The following DUSP8 variants were observed in gnomAD, a reference collection of about 807,000 sequenced individuals.
The protein encoded by DUSP8 is dual specificity phosphatase 8.
A neutral mutation model predicts 38.7 loss-of-function variants in DUSP8; 15 were observed. The observed-to-expected ratio is 0.39, with a 90% CI of 0.26 to 0.60. DUSP8 has a LOEUF of 0.60. Among genes scored for constraint, DUSP8 ranks in the 20% least tolerant of loss-of-function variants. DUSP8 has a pLI of 0.56. For missense variants in DUSP8, 768 were observed against 915.0 expected (o/e 0.84, Z 2.07); for synonymous variants, 458 against 433.9 (o/e 1.06, Z -0.69).
At position 1,558,143 on chromosome 11, in the gene DUSP8, C is replaced by T. The variant is rs1181797208; in HGVS notation, c.666G>A (p.Leu222=). 6.2e-7 allele frequency: 1 copy of T among 1,611,954 alleles called. No individual in the cohort carries two copies. The highest frequency in any genetic ancestry group is 8.5e-7 in the Non-Finnish European group (1 of 1,179,852). ...PINDNYCEKL[L]PWLDKSIEFI... is the part of the protein sequence containing the mutation. Reference sequence around the variant, plus strand: ...ACTCGATGGACTTGTCCAGCCAGGGCAGCAGTTTTTCACAGTAGTTGTCGT... The same window carrying T: ...ACTCGATGGACTTGTCCAGCCAGGGTAGCAGTTTTTCACAGTAGTTGTCGT... Residue 222 remains leucine (L), a synonymous_variant, in exon 5 of 7, where the codon CTG becomes CTA. Coordinates refer to ENST00000397374, the MANE Select transcript of DUSP8 (RefSeq NM_004420.3). The surrounding 1 kb of genome is among the most constrained non-coding windows in gnomAD (Gnocchi z 6.3).
At chr11:1,561,448 C>T (rs1328323386) in intron 3 of DUSP8, among the ~76,000 whole-genome samples, 1 of 152,260 alleles carries the variant, frequency 6.6e-6, no homozygotes, top group African/African-American at 2.4e-5. Flanking sequence ...CGCCACCCCA[C>T]CCACTTGCAG....
intron 2 of DUSP8, 56 bp from the exon 3 acceptor site, chr11:1,564,045 C>T: frequency 7.2e-7 from 1 of 1,392,990 alleles, no homozygotes; most frequent in Non-Finnish European, 9.4e-7. Context: ...ATGCCCTGGC[C>T]CCGTCCCAGA....
At chr11:1,564,431 T>G (rs1384422991) in intron 2 of DUSP8, among the ~76,000 whole-genome samples, 2 of 152,176 alleles carry the variant, frequency 1.3e-5, no homozygotes, top group Non-Finnish European at 2.9e-5. Context: ...TGGGGCTAAC[T>G]GTGTAGCCAG....
Position 1,557,415 on chromosome 11 carries a change from G to A in DUSP8, c.981C>T (p.Ala327=). 3 of 1,564,568 alleles carry A rather than the reference G, an allele frequency of 1.9e-6. No homozygotes were observed. The highest frequency in any genetic ancestry group is 2.6e-6 in the Non-Finnish European group (3 of 1,167,658). The change falls in exon 7 of 7, where the codon GCC becomes GCT. Residue 327 remains alanine (A), a synonymous_variant. Coordinates refer to ENST00000397374, the MANE Select transcript of DUSP8 (RefSeq NM_004420.3). This position sits in a 1 kb window ranked among gnomAD's most constrained non-coding sequence, Gnocchi z 9.9. Reference sequence around the variant, plus strand: ...TAGGTGGTGGCAGCCGTGGCAGCGGGGCCCCGGCGGCAGGACTGGGCGGAG... The same window carrying A: ...TAGGTGGTGGCAGCCGTGGCAGCGGAGCCCCGGCGGCAGGACTGGGCGGAG... ...PEPPPSPAAG[A]PLPRLPPPTS...
In DUSP8 at chr11:1,558,047, G is replaced by C; in HGVS notation, c.697+65C>G. Reference sequence around the variant, plus strand: ...CTTCCTGGGGACCCCTCCTGTGTCTGTGGCCACACACAGCTCTAGCCTTCC... The same window carrying C: ...CTTCCTGGGGACCCCTCCTGTGTCTCTGGCCACACACAGCTCTAGCCTTCC... On this transcript the variant is annotated intron_variant, in intron 5 of 6. Coordinates refer to ENST00000397374, the MANE Select transcript of DUSP8 (RefSeq NM_004420.3). This position sits in a 1 kb window ranked among gnomAD's most constrained non-coding sequence, Gnocchi z 6.3. 3 of 1,611,196 alleles carry C rather than the reference G, an allele frequency of 1.9e-6. No homozygotes were observed. Among genetic ancestry groups the C allele is most frequent in the Non-Finnish European group, 2.5e-6 (3 of 1,179,082 alleles).
rs55830934 is a variant in DUSP8, at chr11:1,565,265, C to A, written c.231+331G>T. 3.6e-3 allele frequency among the ~76,000 whole-genome samples: 542 copies of A among 152,350 alleles called. 3 individuals carry two copies. The highest frequency in any genetic ancestry group is 0.014 in the Middle Eastern group (4 of 294). On this transcript the variant is annotated intron_variant, in intron 2 of 6. Coordinates refer to ENST00000397374, the MANE Select transcript of DUSP8 (RefSeq NM_004420.3). ...ACACCTTGCTATTCCACTCACTGCT[C>A]CCCTCTGTGAGCCTGGGTTGGCCCT...
chr11:1,557,949 G>A lies in DUSP8; in HGVS notation c.698-32C>T, dbSNP rs201635880. On this transcript the variant is annotated intron_variant, in intron 5 of 6. Coordinates refer to ENST00000397374, the MANE Select transcript of DUSP8 (RefSeq NM_004420.3). This position sits in a 1 kb window ranked among gnomAD's most constrained non-coding sequence, Gnocchi z 9.9. ...AGGTGGGCCATGGGGGCCAGGTGAGGGCTAAGACTGCACAGCTTCTCCCTG... is the reference window on the plus strand; with the variant it reads ...AGGTGGGCCATGGGGGCCAGGTGAGAGCTAAGACTGCACAGCTTCTCCCTG... 3 of 1,613,504 alleles carry A rather than the reference G, an allele frequency of 1.9e-6. No homozygotes were observed. The highest frequency in any genetic ancestry group is 4.5e-5 in the East Asian group (2 of 44,870).
chr11:1,558,768 C>T lies in DUSP8; in HGVS notation c.537+121G>A. Reference sequence around the variant, plus strand: ...GGCCCCCACCCATGCTTCTCCCACACCCAGCTCATCCACTGCCTTCAGCTC... The same window carrying T: ...GGCCCCCACCCATGCTTCTCCCACATCCAGCTCATCCACTGCCTTCAGCTC... On this transcript the variant is annotated intron_variant, in intron 4 of 6. Coordinates refer to ENST00000397374, the MANE Select transcript of DUSP8 (RefSeq NM_004420.3). The surrounding 1 kb of genome is among the most constrained non-coding windows in gnomAD (Gnocchi z 6.3). The T allele has an allele frequency of 3.2e-6, 4 of 1,247,936 alleles. No homozygotes were observed. Among genetic ancestry groups the T allele is most frequent in the South Asian group, 1.5e-5 (1 of 65,518 alleles). 77.3% of individuals were successfully genotyped at this position (1,247,936 alleles called of 1,614,324 possible). A position where few individuals can be genotyped will look rare whatever the true frequency, so the allele number is the denominator to read the frequency against.
chr11:1,562,289 G>T (rs1289374891), intron 3 of DUSP8, among the ~76,000 whole-genome samples: 1 of 152,152 alleles, frequency 6.6e-6, no homozygotes, highest in Non-Finnish European at 1.5e-5. Flanking sequence ...TGCCACTCTG[G>T]GACCTTTCTC....
Position 1,559,181 on chromosome 11 carries a change from A to T in DUSP8, c.371-126T>A. The T allele has an allele frequency of 4.3e-6, 4 of 939,270 alleles. No homozygotes were observed. The South Asian group carries it at 6.3e-5, about 15-fold the overall frequency. 58.2% of individuals were successfully genotyped at this position (939,270 alleles called of 1,614,324 possible). A position where few individuals can be genotyped will look rare whatever the true frequency, so the allele number is the denominator to read the frequency against. ...ATCAGTCACACCCAGCCCAGACCCG[A>T]GCCTGAGCCCAGCCGGCAAGCCTCT... On this transcript the variant is annotated intron_variant, in intron 3 of 6. Transcript: ENST00000397374.
chr11:1,557,609 C>T lies in DUSP8; in HGVS notation c.822-35G>A, dbSNP rs569581529. The T allele has an allele frequency of 4.9e-4, 727 of 1,494,108 alleles. 14 individuals carry two copies. In the South Asian group the frequency reaches 7.9e-3, roughly 16 times the overall value. The allele number at this position is 1,494,108 out of a possible 1,614,324, so 92.6% of individuals were successfully genotyped here. On this transcript the variant is annotated intron_variant, in intron 6 of 6. Coordinates refer to ENST00000397374, the MANE Select transcript of DUSP8 (RefSeq NM_004420.3). This position sits in a 1 kb window ranked among gnomAD's most constrained non-coding sequence, Gnocchi z 9.9. ...AGGAGGCTCAGTCCCAGGCGCCCGC[C>T]GGGGCCAGGCTGCCCACCTGACGCA...
chr11:1,554,214 C>T lies in DUSP8; in HGVS notation c.*2304G>A, dbSNP rs1848584763. The T allele has an allele frequency of 6.6e-6, 1 of 152,432 alleles. No individual in the cohort carries two copies. The highest frequency in any genetic ancestry group is 2.1e-4 in the South Asian group (1 of 4,852). The allele number at this position is 152,432 out of a possible 1,614,324, so 9.4% of individuals were successfully genotyped here. A position where few individuals can be genotyped will look rare whatever the true frequency, so the allele number is the denominator to read the frequency against. ...AGGCTCAGCGGGGGACCTGCACCCTCTCCTCCGCTGGACTTCCCAGCAAAT... is the reference window on the plus strand; with the variant it reads ...AGGCTCAGCGGGGGACCTGCACCCTTTCCTCCGCTGGACTTCCCAGCAAAT... On this transcript the variant is annotated 3_prime_UTR_variant, in exon 7 of 7. Transcript: ENST00000397374.
In DUSP8 at chr11:1,555,286, T is replaced by C. The variant is rs1218265591; in HGVS notation, c.*1232A>G. 1 of 987,838 alleles carries C rather than the reference T, an allele frequency of 1.0e-6. No homozygotes were observed. The allele number at this position is 987,838 out of a possible 1,614,324, so 61.2% of individuals were successfully genotyped here. ...AAGGGGTGAATGGGAGTTTCTCTCC[T>C]GAGCGGCCCCATGGGGGTGGGGGCA... On this transcript the variant is annotated 3_prime_UTR_variant, in exon 7 of 7. Transcript: ENST00000397374.
At chr11:1,572,288 A>G (rs1467420757), upstream of DUSP8, among the ~76,000 whole-genome samples, 1 of 147,254 alleles carries the variant, frequency 6.8e-6, no homozygotes, top group Admixed American at 6.7e-5. This position sits in a 1 kb window ranked among gnomAD's most constrained non-coding sequence, Gnocchi z 4.7. Flanking sequence ...CCCGGGGCGG[A>G]GGGCGGGGCC....
chr11:1,561,578 G>A (rs1433265818), intron 3 of DUSP8, among the ~76,000 whole-genome samples: 1 of 152,352 alleles, frequency 6.6e-6, no homozygotes, highest in East Asian at 1.9e-4. Context: ...TGGAGTGGGG[G>A]AAGAGGAGCG....
chr11:1,564,861 C>T (rs1225722735), intron 2 of DUSP8, among the ~76,000 whole-genome samples: 1 of 152,238 alleles, frequency 6.6e-6, no homozygotes, highest in Non-Finnish European at 1.5e-5. Flanking sequence ...CAGCTCTGAA[C>T]AGGGCCTATC....
chr11:1,566,509 TG>T (rs1243725784), intron 1 of DUSP8, among the ~76,000 whole-genome samples: 6 of 152,056 alleles, frequency 3.9e-5, no homozygotes, highest in Admixed American at 2.6e-4. Context: ...CACTGGAGAG[TG>T]GGCTCCCGGG....
chr11:1,564,942 AAGG>A (rs1016071134), intron 2 of DUSP8, among the ~76,000 whole-genome samples: 6 of 152,114 alleles, frequency 3.9e-5, no homozygotes, highest in Non-Finnish European at 8.8e-5. Context: ...GAGGCAGTAG[AAGG>A]AGGAGGTGCC....
intron 3 of DUSP8, 176 bp from the exon 4 acceptor site, chr11:1,559,231 G>C (rs1384577049): frequency 1.7e-6 from 1 of 572,122 alleles, no homozygotes; most frequent in Non-Finnish European, 2.9e-6. Flanking sequence ...TCTGCCCGCG[G>C]TGGGGGGAGG....
Sources: allele counts gnomAD v4.1 joint callset (sites outside exome capture counted in the v4.1 genomes callset), GRCh38; gene constraint gnomAD v4.1.1; non-coding constraint Gnocchi (gnomAD v3.1); transcripts MANE v1.5; gene names NCBI Gene and HGNC (gene_info 2026-07-23, HGNC 2026-07-21).